DOCK8: variants seen among roughly 807,000 people sequenced by gnomAD.
The protein encoded by DOCK8 is dedicator of cytokinesis 8, also known as dedicator of cytokinesis protein 8.
A neutral mutation model predicts 245.6 loss-of-function variants in DOCK8; 141 were observed. That is an observed-to-expected ratio of 0.57 (90% CI 0.50 to 0.66). DOCK8 has a LOEUF of 0.66. Ranked by LOEUF, DOCK8 falls within the 30% of genes least tolerant of loss-of-function variation. The pLI, the probability that DOCK8 is intolerant of heterozygous loss-of-function variation, is 0.00. For missense variants in DOCK8, 2,965 were observed against 2,603.4 expected (o/e 1.14, Z -3.02); for synonymous variants, 1,168 against 970.2 (o/e 1.20, Z -3.79).
At chr9:406,785 G>A (rs2055442269) in intron 27 of DOCK8, 145 bp from the exon 28 acceptor site, 1 of 979,124 alleles carries the variant, frequency 1.0e-6, no homozygotes, top group South Asian at 1.3e-5. Context: ...CAGTTTCCTT[G>A]TCCGCCTTAT....
intron 5 of DOCK8, 87 bp from the exon 6 acceptor site, chr9:311,867 G>A (rs2050128735): frequency 7.3e-6 from 11 of 1,515,686 alleles, no homozygotes; most frequent in Non-Finnish European, 9.1e-6. Context: ...GTCCCAAATT[G>A]GAGCAGTCTT....
rs557609460 is a variant in DOCK8, at chr9:433,724, A to G, written c.4786-151A>G. The G allele has an allele frequency of 1.6e-4, 109 of 693,554 alleles. 1 individual carries two copies. Among genetic ancestry groups the G allele is most frequent in the South Asian group, 1.4e-3 (91 of 64,832 alleles). The allele number at this position is 693,554 out of a possible 1,614,324, so 43.0% of individuals were successfully genotyped here. The stretch of plus-strand genomic sequence containing the variant: ...CTGGGCTGGCGAAGATGAAAACTAC[A>G]GAGTCAGGTCTAGATGACTCCGCCA... On this transcript the variant is annotated intron_variant, in intron 37 of 47. Transcript: ENST00000432829.
intron 4 of DOCK8, among the ~76,000 whole-genome samples, chr9:299,417 A>G (rs1190033765): frequency 1.3e-5 from 2 of 152,046 alleles, no homozygotes; most frequent in Admixed American, 6.6e-5. Context: ...AGGTGGCACC[A>G]TACTCGGCTA....
In DOCK8 at chr9:271,655, T is replaced by A. The variant is rs1563857653; in HGVS notation, c.82T>A (p.Phe28Ile). Residue 28 changes from phenylalanine (F) to isoleucine (I), a missense_variant, in exon 2 of 48, where the codon TTT becomes ATT. By Grantham distance (21) the Phe-to-Ile change is conservative. Coordinates refer to ENST00000432829, the MANE Select transcript of DOCK8 (RefSeq NM_203447.4). Reference protein sequence around the residue: ...RYSSAEIRKQFTLPPNLGQYH... With the variant: ...RYSSAEIRKQITLPPNLGQYH... ...TTCTTCAGCGGAAATAAGGAAACAG[T>A]TTACTCTCCCACCAAACCTTGGCCA... is the stretch of plus-strand genomic sequence containing the variant. The A allele has an allele frequency of 6.4e-7, 1 of 1,551,456 alleles. No homozygotes were observed. The highest frequency in any genetic ancestry group is 2.4e-5 in the East Asian group (1 of 40,908).
chr9:458,948 C>T (rs997701416), intron 46 of DOCK8, among the ~76,000 whole-genome samples: 1 of 152,142 alleles, frequency 6.6e-6, no homozygotes, highest in African/African-American at 2.4e-5. Flanking sequence ...TTTCTGGAGG[C>T]GTAACTTCCT....
rs965022095 is a variant in DOCK8 at position 292,593 on chromosome 9, C to T, written c.404+3012C>T. ...TATTTTTCCTGGTGCTCTGCTTATT[C>T]GTGAAATTTGTGCATCCCTATTAAT... On this transcript the variant is annotated intron_variant, in intron 4 of 47. Coordinates refer to ENST00000432829, the MANE Select transcript of DOCK8 (RefSeq NM_203447.4). Among the ~76,000 whole-genome samples, 11 of 150,860 alleles carry T rather than the reference C, an allele frequency of 7.3e-5. No homozygotes were observed. In the South Asian group the frequency reaches 1.0e-3, roughly 14 times the overall value.
intron 1 of DOCK8, among the ~76,000 whole-genome samples, chr9:249,476 C>T (rs1270566575): frequency 6.6e-6 from 1 of 152,144 alleles, no homozygotes; most frequent in African/African-American, 2.4e-5. Flanking sequence ...TTCTTCATTC[C>T]TAGTTGGTTA....
chr9:324,714 CCTT>C (rs1189762863), intron 7 of DOCK8, among the ~76,000 whole-genome samples: 1 of 152,140 alleles, frequency 6.6e-6, no homozygotes, highest in Non-Finnish European at 1.5e-5. Flanking sequence ...CAAAACCCAG[CCTT>C]CTTCTGACTG....
intron 14 of DOCK8, among the ~76,000 whole-genome samples, chr9:351,036 C>T (rs182054402): frequency 2.5e-3 from 387 of 152,266 alleles, no homozygotes; most frequent in Middle Eastern, 3.4e-3. Context: ...TAGCCTAGTT[C>T]ACTGGGATTT....
intron 37 of DOCK8, among the ~76,000 whole-genome samples, chr9:433,558 A>G (rs772043424): frequency 2.6e-5 from 4 of 152,236 alleles, no homozygotes; most frequent in Non-Finnish European, 5.9e-5. Flanking sequence ...TCCAGAGTAG[A>G]GTTTAGAACT....
intron 24 of DOCK8, among the ~76,000 whole-genome samples, chr9:394,487 ACAACCTG>A (rs1255053361): frequency 2.0e-5 from 3 of 152,240 alleles, no homozygotes; most frequent in Non-Finnish European, 4.4e-5. Context: ...GCCTTAGCCA[ACAACCTG>A]GGCAATTTAA....
chr9:235,647 C>A (rs1462655823), intron 1 of DOCK8, among the ~76,000 whole-genome samples: 5 of 152,200 alleles, frequency 3.3e-5, no homozygotes, highest in African/African-American at 1.2e-4. Context: ...GCAGTTTGAT[C>A]TCAGACTGCT....
At chr9:305,244 C>G (rs1226241723) in intron 5 of DOCK8, among the ~76,000 whole-genome samples, 1 of 151,930 alleles carries the variant, frequency 6.6e-6, no homozygotes, top group African/African-American at 2.4e-5. Context: ...AGTGCCTAGT[C>G]AATGCTGGTC....
At chr9:352,980 C>G (rs2052249632) in intron 14 of DOCK8, among the ~76,000 whole-genome samples, 1 of 152,094 alleles carries the variant, frequency 6.6e-6, no homozygotes, top group African/African-American at 2.4e-5. Context: ...ATACTCGTCA[C>G]CCTGTGAATA....
chr9:247,034 T>A (rs967016717), intron 1 of DOCK8, among the ~76,000 whole-genome samples: 3 of 152,218 alleles, frequency 2.0e-5, no homozygotes, highest in African/African-American at 7.2e-5. Flanking sequence ...TAGAATTCCT[T>A]AATTAATATT....
At chr9:402,384 C>T (rs1230762314) in intron 26 of DOCK8, among the ~76,000 whole-genome samples, 4 of 152,152 alleles carry the variant, frequency 2.6e-5, no homozygotes, top group African/African-American at 9.7e-5. Flanking sequence ...TGATTGGGAG[C>T]ATCAGCCTTT....
intron 43 of DOCK8, among the ~76,000 whole-genome samples, chr9:444,404 A>G (rs1328328172): frequency 1.3e-5 from 2 of 151,716 alleles, no homozygotes; most frequent in East Asian, 1.9e-4. Flanking sequence ...TAAATAATTC[A>G]CTACAATGAC....
rs181509616 is a variant in DOCK8 at position 420,265 on chromosome 9, A to G, written c.3841-136A>G. 49 of 967,856 alleles carry G rather than the reference A, an allele frequency of 5.1e-5. No homozygotes were observed. In the Admixed American group the frequency reaches 7.4e-4, roughly 15 times the overall value. The allele number at this position is 967,856 out of a possible 1,614,324, so 60.0% of individuals were successfully genotyped here. A position where few individuals can be genotyped will look rare whatever the true frequency, so the allele number is the denominator to read the frequency against. On this transcript the variant is annotated intron_variant, in intron 30 of 47. Coordinates refer to ENST00000432829, the MANE Select transcript of DOCK8 (RefSeq NM_203447.4). ...GCAGGGCTACTGGCAATAGATCTCC[A>G]GCCTAGCAGTGATGTACAGTCATGG...
chr9:211,309 A>G (rs2046616655), upstream of DOCK8, among the ~76,000 whole-genome samples: 1 of 152,120 alleles, frequency 6.6e-6, no homozygotes, highest in African/African-American at 2.4e-5. Flanking sequence ...CCCTGCTCCA[A>G]CAGAAAGGTA....
Sources: gnomAD v4.1 joint callset for allele counts (sites outside exome capture counted in the v4.1 genomes callset) on GRCh38, gnomAD v4.1.1 for gene constraint, MANE v1.5 for transcripts, NCBI Gene and HGNC (gene_info 2026-07-23, HGNC 2026-07-21) for gene names.